Variants in SLC41A3 observed in about 807,000 individuals in gnomAD.
The protein encoded by SLC41A3 is solute carrier family 41 member 3, also known as SLC41A1-like 2.
A neutral mutation model predicts 45.4 loss-of-function variants in SLC41A3; 44 were observed. The observed-to-expected ratio is 0.97, with a 90% CI of 0.76 to 1.25. SLC41A3 has a LOEUF of 1.25. Among genes scored for constraint, SLC41A3 ranks in the 50% most tolerant of loss-of-function variants. The probability of loss-of-function intolerance (pLI) is 0.00; values close to 1 mark genes in which losing one functional copy is unlikely to be tolerated. For missense variants in SLC41A3, 550 were observed against 600.6 expected (o/e 0.92, Z 0.88); for synonymous variants, 256 against 252.4 (o/e 1.01, Z -0.13).
At position 126,050,977 on chromosome 3, in the gene SLC41A3, A is replaced by G. The variant is rs146241605; in HGVS notation, c.347T>C (p.Leu116Pro). The G allele has an allele frequency of 4.9e-5, 79 of 1,612,834 alleles. No homozygotes were observed. The highest frequency in any genetic ancestry group is 6.4e-5 in the Non-Finnish European group (76 of 1,179,510). ...GAGTCTGGATGCCAGTGTCATCTCC[A>G]GGTTCCCCTTCAGGCCCACCAGGGG... Reference protein sequence around the residue: ...VPPLVGLKGNLEMTLASRLST... With the variant: ...VPPLVGLKGNPEMTLASRLST... Residue 116 changes from leucine (L) to proline (P), a missense_variant, in exon 3 of 11, where the codon CTG becomes CCG. Coordinates refer to ENST00000360370, the MANE Select transcript of SLC41A3 (RefSeq NM_017836.4).
At chr3:126,048,052 A>T (rs914175426) in intron 3 of SLC41A3, among the ~76,000 whole-genome samples, 3 of 152,202 alleles carry the variant, frequency 2.0e-5, no homozygotes, top group Non-Finnish European at 2.9e-5. Context: ...AAAACTAATT[A>T]AAAAATGGGC....
chr3:126,054,451 C>T (rs1013694109), intron 2 of SLC41A3, among the ~76,000 whole-genome samples: 1 of 152,140 alleles, frequency 6.6e-6, no homozygotes, highest in African/African-American at 2.4e-5. Context: ...ATAAAGCAAA[C>T]ACCTGCTACA....
At chr3:126,099,346 C>T (rs573810049) in intron 1 of SLC41A3, among the ~76,000 whole-genome samples, 45 of 152,256 alleles carry the variant, frequency 3.0e-4, no homozygotes, top group Non-Finnish European at 5.7e-4. Context: ...TTTAAAGTGA[C>T]GGCAATATAT....
upstream of SLC41A3, among the ~76,000 whole-genome samples, chr3:126,085,953 G>A (rs924838059): frequency 1.4e-4 from 22 of 152,134 alleles, no homozygotes; most frequent in African/African-American, 5.3e-4. Flanking sequence ...CCCTCTCAAA[G>A]GTAATAGACC....
chr3:126,034,076 T>C (rs1332256589), intron 3 of SLC41A3, among the ~76,000 whole-genome samples: 1 of 152,200 alleles, frequency 6.6e-6, no homozygotes, highest in Non-Finnish European at 1.5e-5. Flanking sequence ...CTCAAACTCA[T>C]GTGCAGACCT....
At chr3:126,095,983 G>C (rs570578132) in intron 1 of SLC41A3, among the ~76,000 whole-genome samples, 1 of 152,302 alleles carries the variant, frequency 6.6e-6, no homozygotes, top group South Asian at 2.1e-4. Context: ...GCTAACATAA[G>C]ATTTTGTGGA....
intron 6 of SLC41A3, among the ~76,000 whole-genome samples, chr3:126,019,867 G>A (rs888746544): frequency 6.6e-6 from 1 of 151,956 alleles, no homozygotes. Context: ...GGGTCTTGGC[G>A]GGAGTCCTGC....
intron 1 of SLC41A3, among the ~76,000 whole-genome samples, chr3:126,071,282 A>C (rs1367737676): frequency 1.3e-5 from 2 of 152,200 alleles, no homozygotes; most frequent in Non-Finnish European, 2.9e-5. Flanking sequence ...CAAAACAGAC[A>C]TAAAAACAAG....
chr3:126,084,840 A>T (rs536853525), upstream of SLC41A3, among the ~76,000 whole-genome samples: 1 of 152,334 alleles, frequency 6.6e-6, no homozygotes, highest in African/African-American at 2.4e-5. Context: ...TTCCTCAGCC[A>T]GGACTTTTAG....
intron 2 of SLC41A3, among the ~76,000 whole-genome samples, chr3:126,058,897 C>T (rs185585428): frequency 2.6e-5 from 4 of 152,316 alleles, no homozygotes; most frequent in Admixed American, 6.5e-5. Flanking sequence ...CCAGGCCAAA[C>T]GTCTGCCAGG....
chr3:126,026,944 A>T lies in SLC41A3; in HGVS notation c.454-465T>A, dbSNP rs1576249723. Reference sequence around the variant, plus strand: ...GTCTCTCCTTTGGCACCCTGCTCACACCCTCCCCTTCCAGGCTCTGTTCCC... The same window carrying T: ...GTCTCTCCTTTGGCACCCTGCTCACTCCCTCCCCTTCCAGGCTCTGTTCCC... On this transcript the variant is annotated intron_variant, in intron 4 of 10. Transcript: ENST00000360370. This position sits in a 1 kb window ranked among gnomAD's most constrained non-coding sequence, Gnocchi z 4.2. 2.0e-5 allele frequency among the ~76,000 whole-genome samples: 3 copies of T among 151,896 alleles called. No individual in the cohort carries two copies. The South Asian group carries it at 6.2e-4, about 32-fold the overall frequency.
chr3:126,033,494 T>C, intron 4 of SLC41A3, 113 bp downstream of exon 4: 1 of 1,186,036 alleles, frequency 8.4e-7, no homozygotes, highest in Non-Finnish European at 1.2e-6. Flanking sequence ...CTACCTGTTC[T>C]CAAAGTTCAG....
intron 3 of SLC41A3, 181 bp downstream of exon 3, chr3:126,050,762 T>G (rs1408780583): frequency 8.8e-7 from 1 of 1,135,798 alleles, no homozygotes; most frequent in African/African-American, 1.6e-5. Flanking sequence ...AGTTTGGTAG[T>G]GGAAAGCCAA....
At chr3:126,080,963 A>T (rs763362484) in intron 1 of SLC41A3, among the ~76,000 whole-genome samples, 8 of 151,994 alleles carry the variant, frequency 5.3e-5, no homozygotes, top group Non-Finnish European at 8.8e-5. Context: ...AAAAAAAAAA[A>T]CAAACTAAAA....
chr3:126,071,913 G>A (rs1944637771), intron 1 of SLC41A3, among the ~76,000 whole-genome samples: 1 of 151,952 alleles, frequency 6.6e-6, no homozygotes, highest in African/African-American at 2.4e-5. Context: ...TGGGACTACA[G>A]GTGTGTGCCA....
At chr3:126,090,866 A>C (rs1472145792) in intron 1 of SLC41A3, among the ~76,000 whole-genome samples, 1 of 152,164 alleles carries the variant, frequency 6.6e-6, no homozygotes, top group Non-Finnish European at 1.5e-5. Context: ...CAAACCCTCC[A>C]AGTCAATAAC....
intron 5 of SLC41A3, chr3:126,023,892 T>A (rs1378248399): frequency 6.6e-6 from 1 of 152,204 alleles, no homozygotes; most frequent in African/African-American, 2.4e-5. Context: ...CTTGTAACTC[T>A]AAAAATAATT....
At chr3:126,067,602 T>C (rs1278591972) in intron 2 of SLC41A3, 2 of 470,008 alleles carry the variant, frequency 4.3e-6, no homozygotes, top group Non-Finnish European at 8.4e-6. Flanking sequence ...TGAAAATAAA[T>C]GTCTGTTGTT....
chr3:126,038,034 T>C (rs1115842), intron 3 of SLC41A3, among the ~76,000 whole-genome samples: 104,113 of 152,162 alleles, frequency 0.68, 37,135 homozygotes, highest in African/African-American at 0.9. Context: ...AGGATGCAAG[T>C]CTTACACCTT....
Sources: allele counts gnomAD v4.1 joint callset (sites outside exome capture counted in the v4.1 genomes callset), GRCh38; gene constraint gnomAD v4.1.1; non-coding constraint Gnocchi (gnomAD v3.1); transcripts MANE v1.5; gene names NCBI Gene and HGNC (gene_info 2026-07-23, HGNC 2026-07-21).